The following FHIT variants were observed in gnomAD, a reference collection of about 807,000 sequenced individuals.
The protein encoded by FHIT is fragile histidine triad diadenosine triphosphatase, also known as bis(5'-adenosyl)-triphosphatase.
FHIT carries 19 observed loss-of-function variants against 17.9 expected under a neutral mutation model. That is an observed-to-expected ratio of 1.06 (90% CI 0.74 to 1.56). The LOEUF (loss-of-function observed/expected upper bound fraction) is 1.56, where lower values mean the gene tolerates loss of function less well. Among genes scored for constraint, FHIT ranks in the 40% most tolerant of loss-of-function variants. The probability of loss-of-function intolerance (pLI) is 0.00; values close to 1 mark genes in which losing one functional copy is unlikely to be tolerated. For missense variants in FHIT, 248 were observed against 189.2 expected (o/e 1.31, Z -1.82); for synonymous variants, 81 against 69.7 (o/e 1.16, Z -0.81).
intron 5 of FHIT, among the ~76,000 whole-genome samples, chr3:60,462,237 A>G (rs534978555): frequency 6.6e-6 from 1 of 152,298 alleles, no homozygotes; most frequent in South Asian, 2.1e-4. Flanking sequence ...TGCCGTTCTA[A>G]TATCAACTCA....
intron 5 of FHIT, among the ~76,000 whole-genome samples, chr3:60,113,313 T>C (rs759596027): frequency 6.6e-6 from 1 of 150,412 alleles, no homozygotes; most frequent in South Asian, 2.1e-4. Context: ...AATGCATAAA[T>C]GAATAGGCTA....
chr3:61,175,123 G>C (rs577708380), intron 2 of FHIT, among the ~76,000 whole-genome samples: 36 of 151,736 alleles, frequency 2.4e-4, no homozygotes, highest in African/African-American at 8.2e-4. Context: ...GTGGCAGAAG[G>C]GAAAAAAAAG....
chr3:60,118,981 A>T (rs1234263064), intron 5 of FHIT, among the ~76,000 whole-genome samples: 3 of 151,008 alleles, frequency 2.0e-5, no homozygotes, highest in Admixed American at 1.3e-4. Flanking sequence ...AGATGCTGCC[A>T]CTGCACTCCA....
At chr3:60,472,047 T>C (rs2033113079) in intron 5 of FHIT, among the ~76,000 whole-genome samples, 1 of 152,026 alleles carries the variant, frequency 6.6e-6, no homozygotes, top group Non-Finnish European at 1.5e-5. Flanking sequence ...ACCTATTGGG[T>C]ACAATGTTCA....
At chr3:60,863,827 A>T (rs1340690505) in intron 3 of FHIT, among the ~76,000 whole-genome samples, 1 of 152,208 alleles carries the variant, frequency 6.6e-6, no homozygotes, top group Non-Finnish European at 1.5e-5. Flanking sequence ...TAAAAGTGTG[A>T]ATAAGGGAGT....
At chr3:60,413,682 G>A (rs1424276890) in intron 5 of FHIT, among the ~76,000 whole-genome samples, 4 of 152,082 alleles carry the variant, frequency 2.6e-5, no homozygotes, top group African/African-American at 4.8e-5. Flanking sequence ...GTATGTGTAT[G>A]TGGCTTGTAA....
intron 3 of FHIT, among the ~76,000 whole-genome samples, chr3:60,900,934 C>T (rs888347458): frequency 2.6e-5 from 4 of 152,158 alleles, no homozygotes; most frequent in Admixed American, 6.5e-5. Flanking sequence ...CATGCCACCA[C>T]GCTCGGCTAA....
chr3:61,185,835 G>A (rs1372642681), intron 2 of FHIT, among the ~76,000 whole-genome samples: 1 of 152,042 alleles, frequency 6.6e-6, no homozygotes, highest in Non-Finnish European at 1.5e-5. Flanking sequence ...AGCTGAACTG[G>A]TTTCCAAATA....
intron 8 of FHIT, among the ~76,000 whole-genome samples, chr3:59,880,639 A>G (rs1703370460): frequency 6.6e-6 from 1 of 152,226 alleles, no homozygotes; most frequent in East Asian, 1.9e-4. Context: ...AGCAATGCCT[A>G]TAAATGACAG....
At chr3:60,030,187 G>A (rs1333963857) in intron 5 of FHIT, among the ~76,000 whole-genome samples, 1 of 152,146 alleles carries the variant, frequency 6.6e-6, no homozygotes, top group East Asian at 1.9e-4. Flanking sequence ...CAATATGACT[G>A]AAGGGAGATT....
Position 60,207,046 on chromosome 3 carries a change from T to C in FHIT, c.104-192894A>G, listed in dbSNP as rs556373263. On this transcript the variant is annotated intron_variant, in intron 5 of 9. Coordinates refer to ENST00000492590, the MANE Select transcript of FHIT (RefSeq NM_002012.4). ...GGGATGAAAGTGATCTTTAGAGATA[T>C]GGGATAAAGGAAAAACCATTTGAAA... Among the ~76,000 whole-genome samples, 89 of 152,134 alleles carry C rather than the reference T, an allele frequency of 5.9e-4. No individual in the cohort carries two copies. In the Middle Eastern group the frequency reaches 0.01, roughly 17 times the overall value.
intron 4 of FHIT, among the ~76,000 whole-genome samples, chr3:60,592,451 G>A (rs2038119484): frequency 6.6e-6 from 1 of 151,980 alleles, no homozygotes; most frequent in Non-Finnish European, 1.5e-5. Flanking sequence ...TAAGTCTGAG[G>A]ACCAGCAGAC....
intron 8 of FHIT, among the ~76,000 whole-genome samples, chr3:59,765,055 A>G (rs1344121902): frequency 1.3e-5 from 2 of 152,190 alleles, no homozygotes; most frequent in African/African-American, 2.4e-5. Context: ...TATGGCTGAG[A>G]TGCTTAAGAT....
At chr3:60,954,520 G>A (rs968654527) in intron 3 of FHIT, among the ~76,000 whole-genome samples, 5 of 152,244 alleles carry the variant, frequency 3.3e-5, no homozygotes, top group East Asian at 1.9e-4. Flanking sequence ...CTGAAACTGA[G>A]GATACCAAAG....
At chr3:60,506,035 C>T (rs561206738) in intron 5 of FHIT, among the ~76,000 whole-genome samples, 1 of 152,096 alleles carries the variant, frequency 6.6e-6, no homozygotes, top group African/African-American at 2.4e-5. Context: ...ATAAATATGA[C>T]CAACTTTATC....
chr3:61,208,016 CTT>C (rs1412519978), intron 1 of FHIT, among the ~76,000 whole-genome samples: 1 of 151,998 alleles, frequency 6.6e-6, no homozygotes, highest in Non-Finnish European at 1.5e-5. Flanking sequence ...TATGTTGTGT[CTT>C]TGTTCTCGTT....
intron 8 of FHIT, among the ~76,000 whole-genome samples, chr3:59,866,041 T>C (rs571790529): frequency 8.8e-4 from 134 of 152,224 alleles, no homozygotes; most frequent in African/African-American, 3.1e-3. Context: ...CAACAAATAT[T>C]TACCAGCCAC....
chr3:60,072,841 T>C (rs997723922), intron 5 of FHIT, among the ~76,000 whole-genome samples: 5 of 152,246 alleles, frequency 3.3e-5, no homozygotes, highest in African/African-American at 7.2e-5. Flanking sequence ...ATTTTGTCTA[T>C]GTATGCCTTC....
chr3:60,171,557 T>C (rs1701416036), intron 5 of FHIT, among the ~76,000 whole-genome samples: 1 of 152,200 alleles, frequency 6.6e-6, no homozygotes, highest in Non-Finnish European at 1.5e-5. Flanking sequence ...AAATGTAAAA[T>C]TTCAGAGTAA....
Sources: allele counts gnomAD v4.1 joint callset (sites outside exome capture counted in the v4.1 genomes callset), GRCh38; gene constraint gnomAD v4.1.1; transcripts MANE v1.5; gene names NCBI Gene and HGNC (gene_info 2026-07-23, HGNC 2026-07-21).